SLC12A4: variants seen among roughly 807,000 people sequenced by gnomAD.
SLC12A4 encodes solute carrier family 12 member 4, also known as electroneutral potassium-chloride cotransporter 1.
Under a neutral mutation model 119.2 loss-of-function variants are expected in SLC12A4, and 84 were observed. That is an observed-to-expected ratio of 0.70 (90% CI 0.59 to 0.85). The LOEUF (loss-of-function observed/expected upper bound fraction) is 0.85. Ranked by LOEUF, SLC12A4 falls within the 40% of genes least tolerant of loss-of-function variation. The pLI is 0.00. For missense variants in SLC12A4, 1,298 were observed against 1,476.3 expected, an observed-to-expected ratio of 0.88 and a Z score of 1.98; for synonymous variants, 599 against 604.6, an observed-to-expected ratio of 0.99 and a Z score of 0.14.
At chr16:67,948,947 G>C (rs1172984587) in intron 13 of SLC12A4, among the ~76,000 whole-genome samples, 2 of 152,182 alleles carry the variant, frequency 1.3e-5, no homozygotes, top group African/African-American at 2.4e-5. Flanking sequence ...GGCTGAGTGG[G>C]CAGGGAAGAG....
Position 67,947,805 on chromosome 16 carries a change from G to A in SLC12A4, c.1848-17C>T, listed in dbSNP as rs773040428. ...GACAGCGCCCTGGACGAGAGGGGAG[G>A]GCAGAGTCAGGGCAGGACCAGGAGG... On this transcript the variant is annotated splice_polypyrimidine_tract_variant and intron_variant, in intron 14 of 23. Transcript: ENST00000316341. 3.2e-6 allele frequency: 5 copies of A among 1,572,730 alleles called. No individual in the cohort carries two copies. The Admixed American group carries it at 9.4e-5, about 29-fold the overall frequency.
intron 1 of SLC12A4, among the ~76,000 whole-genome samples, chr16:67,964,270 C>T (rs999044858): frequency 1.3e-5 from 2 of 152,230 alleles, no homozygotes. Context: ...CCGCAGATCC[C>T]GCCGCTTGCC....
chr16:67,952,788 C>CAA (rs145047819), intron 6 of SLC12A4, among the ~76,000 whole-genome samples: 5 of 138,516 alleles, frequency 3.6e-5, no homozygotes, highest in Admixed American at 7.5e-5. Context: ...GACTCCGTCT[C>CAA]AAAAAAAAAT....
In SLC12A4 at chr16:67,964,178, T is replaced by TCGGA. The variant is rs1398419509; in HGVS notation, c.116-623_116-620dup. 22 of 1,317,158 alleles carry TCGGA rather than the reference T, an allele frequency of 1.7e-5. No homozygotes were observed. In the East Asian group the frequency reaches 5.7e-4, roughly 34 times the overall value. 81.6% of individuals were successfully genotyped at this position (1,317,158 alleles called of 1,614,324 possible). ...AGCCTTCTAGGGTTGCCTAAGAAAG[T>TCGGA]CGGACGGGTGGGTGTCGGACTGAGC... On this transcript the variant is annotated intron_variant, in intron 1 of 23. Coordinates refer to ENST00000316341, the MANE Select transcript of SLC12A4 (RefSeq NM_005072.5).
At chr16:67,948,644 TCCAGGAAGGCACC>T (rs2151326682) in intron 13 of SLC12A4, among the ~76,000 whole-genome samples, 1 of 152,226 alleles carries the variant, frequency 6.6e-6, no homozygotes, top group South Asian at 2.1e-4. Flanking sequence ...GCATGAGCCC[TCCAGGAAGGCACC>T]CGAGGACGGG....
intron 1 of SLC12A4, among the ~76,000 whole-genome samples, chr16:67,968,028 G>A (rs1300764728): frequency 1.3e-5 from 2 of 152,192 alleles, no homozygotes; most frequent in Non-Finnish European, 2.9e-5. Context: ...TCGTCTCAAA[G>A]GCAAAGACGC....
chr16:67,964,180 G>C lies in SLC12A4; in HGVS notation c.116-621C>G, dbSNP rs1299200219. ...CCTTCTAGGGTTGCCTAAGAAAGTC[G>C]GACGGGTGGGTGTCGGACTGAGCAG... On this transcript the variant is annotated intron_variant, in intron 1 of 23. Coordinates refer to ENST00000316341, the MANE Select transcript of SLC12A4 (RefSeq NM_005072.5). 3.9e-6 allele frequency: 5 copies of C among 1,281,014 alleles called. No individual in the cohort carries two copies. The Admixed American group carries it at 8.0e-5, about 21-fold the overall frequency. The allele number at this position is 1,281,014 out of a possible 1,614,324, so 79.4% of individuals were successfully genotyped here. A position where few individuals can be genotyped will look rare whatever the true frequency, so the allele number is the denominator to read the frequency against.
At chr16:67,953,595 T>G (rs952087875) in intron 6 of SLC12A4, among the ~76,000 whole-genome samples, 5 of 152,126 alleles carry the variant, frequency 3.3e-5, no homozygotes, top group African/African-American at 1.2e-4. Context: ...GTTCTAGAAT[T>G]GACTGCGCAA....
rs1224895460 is a variant in SLC12A4 at position 67,958,026 on chromosome 16, G to T, written c.361C>A (p.Leu121Ile). The part of the protein sequence containing the change: ...RAAEAPSMGT[L>I]MGVYLPCLQN... ...AGGCAGGGCAGGTACACCCCCATGA[G>T]GGTGCCCATGCTGGGTGCCTATGCG... Residue 121 changes from leucine (L) to isoleucine (I), a missense_variant, in exon 4 of 24, where the codon CTC becomes ATC. Leu to Ile is a conservative substitution (Grantham distance 5, BLOSUM62 2). Transcript: ENST00000316341. The T allele has an allele frequency of 2.5e-6, 4 of 1,614,082 alleles. No individual in the cohort carries two copies. The highest frequency in any genetic ancestry group is 8.5e-7 in the Non-Finnish European group (1 of 1,179,950).
rs1374416326 is a variant in SLC12A4, at chr16:67,951,939, C to T, written c.1016G>A (p.Trp339Ter). The T allele has an allele frequency of 1.2e-6, 2 of 1,614,034 alleles. No homozygotes were observed. Among genetic ancestry groups the T allele is most frequent in the Non-Finnish European group, 1.7e-6 (2 of 1,180,036 alleles). ...GTTGGGGCTGTGGCAGAAGAAACTC[C>T]ATAGCTGGGTGGCCACTGTCTCATT... ...VDNETVATQL[W>*]SFFCHSPNLT... The change falls in exon 8 of 24, where the codon TGG (tryptophan) becomes TAG (stop). Residue 339 changes from tryptophan (W) to a stop codon, truncating the protein, a stop_gained. Coordinates refer to ENST00000316341, the MANE Select transcript of SLC12A4 (RefSeq NM_005072.5). LOFTEE classifies it high-confidence loss of function. The surrounding 1 kb of genome is among the most constrained non-coding windows in gnomAD (Gnocchi z 5.2).
At chr16:67,964,587 C>T (rs1781247383) in intron 1 of SLC12A4, among the ~76,000 whole-genome samples, 1 of 152,098 alleles carries the variant, frequency 6.6e-6, no homozygotes, top group Non-Finnish European at 1.5e-5. Context: ...GGCCTCACAG[C>T]AAATGGAAAG....
chr16:67,947,186 G>T, intron 16 of SLC12A4, 81 bp from the exon 17 acceptor site: 1 of 1,518,528 alleles, frequency 6.6e-7, no homozygotes. Flanking sequence ...TTCTCGGGTC[G>T]TGGTCCCTGC....
intron 7 of SLC12A4, 60 bp downstream of exon 7, chr16:67,952,124 A>T (rs2029947135): frequency 6.2e-7 from 1 of 1,610,500 alleles, no homozygotes; most frequent in African/African-American, 1.3e-5. Context: ...GGGGCATCAA[A>T]GGCTGGCTAC....
intron 1 of SLC12A4, chr16:67,964,078 TC>T: frequency 1.3e-6 from 2 of 1,536,620 alleles, no homozygotes; most frequent in Non-Finnish European, 1.8e-6. Context: ...GCGGGGGGCG[TC>T]CTGCAGGGCA....
intron 3 of SLC12A4, among the ~76,000 whole-genome samples, 189 bp downstream of exon 3, chr16:67,961,386 G>A (rs909401514): frequency 3.4e-4 from 52 of 151,994 alleles, no homozygotes; most frequent in Non-Finnish European, 1.8e-4. Flanking sequence ...TCTGCCCCCC[G>A]GGGGGATTCT....
chr16:67,946,330 G>C lies in SLC12A4; in HGVS notation c.2448C>G (p.Arg816=). 6.2e-7 allele frequency: 1 copy of C among 1,609,878 alleles called. No individual in the cohort carries two copies. Among genetic ancestry groups the C allele is most frequent in the South Asian group, 1.1e-5 (1 of 91,084 alleles). The change falls in exon 19 of 24, where the codon CGC becomes CGG. Residue 816 remains arginine (R), a synonymous_variant. Coordinates refer to ENST00000316341, the MANE Select transcript of SLC12A4 (RefSeq NM_005072.5). ...RAWKTFIDTV[R]CTTAAHLALL... ...GGGCCAGGTGGGCAGCCGTAGTGCA[G>C]CGCACGGTGTCTGGGGAGGAGGAGC... is the stretch of plus-strand genomic sequence containing the variant.
Position 67,944,222 on chromosome 16 carries a change from A to G in SLC12A4, c.*618T>C. On this transcript the variant is annotated 3_prime_UTR_variant, in exon 24 of 24. Coordinates refer to ENST00000316341, the MANE Select transcript of SLC12A4 (RefSeq NM_005072.5). This position sits in a 1 kb window ranked among gnomAD's most constrained non-coding sequence, Gnocchi z 6.6. ...CCTGGCCAGTGGGGGTTGTGGCCAG[A>G]GATTGCCGGAAAGGGGCACAGCCTC... 1 of 1,451,194 alleles carries G rather than the reference A, an allele frequency of 6.9e-7. No individual in the cohort carries two copies. Among genetic ancestry groups the G allele is most frequent in the Non-Finnish European group, 9.1e-7 (1 of 1,097,842 alleles). The allele number at this position is 1,451,194 out of a possible 1,614,324, so 89.9% of individuals were successfully genotyped here. A position where few individuals can be genotyped will look rare whatever the true frequency, so the allele number is the denominator to read the frequency against.
Position 67,944,830 on chromosome 16 carries a change from G to T in SLC12A4, c.*10C>A. ...AGACCTCGACTCCAGGCCACAAGAT[G>T]ACACTGGGCTCAGGAGTAGATGGTG... On this transcript the variant is annotated 3_prime_UTR_variant, in exon 24 of 24. Transcript: ENST00000316341. This position sits in a 1 kb window ranked among gnomAD's most constrained non-coding sequence, Gnocchi z 6.6. 6.2e-7 allele frequency: 1 copy of T among 1,612,592 alleles called. No homozygotes were observed. Among genetic ancestry groups the T allele is most frequent in the South Asian group, 1.1e-5 (1 of 91,056 alleles).
rs1156815183 is a variant in SLC12A4, at chr16:67,951,120, G to A, written c.1297+20C>T. The A allele has an allele frequency of 6.2e-7, 1 of 1,613,770 alleles. No homozygotes were observed. The highest frequency in any genetic ancestry group is 1.7e-5 in the Admixed American group (1 of 60,014). ...CCGGGATTGGGGACAGGGCTGGGTG[G>A]GTAGGCAGGCAGGGCTCACCTGTTA... On this transcript the variant is annotated intron_variant, in intron 9 of 23. Coordinates refer to ENST00000316341, the MANE Select transcript of SLC12A4 (RefSeq NM_005072.5). This position sits in a 1 kb window ranked among gnomAD's most constrained non-coding sequence, Gnocchi z 5.2.
Sources: allele counts gnomAD v4.1 joint callset (sites outside exome capture counted in the v4.1 genomes callset), GRCh38; gene constraint gnomAD v4.1.1; non-coding constraint Gnocchi (gnomAD v3.1); transcripts MANE v1.5; gene names NCBI Gene and HGNC (gene_info 2026-07-23, HGNC 2026-07-21).